AGBL1: variants seen among roughly 807,000 people sequenced by gnomAD.
The protein encoded by AGBL1 is cytosolic carboxypeptidase 4.
A neutral mutation model predicts 118.9 loss-of-function variants in AGBL1; 130 were observed. The observed-to-expected ratio is 1.09, with a 90% CI of 0.95 to 1.26. The LOEUF is 1.26. Among genes scored for constraint, AGBL1 ranks in the 50% most tolerant of loss-of-function variants. The pLI is 0.00. For missense variants in AGBL1, 1,584 were observed against 1,298.1 expected (o/e 1.22, Z -3.38); for synonymous variants, 555 against 478.9 (o/e 1.16, Z -2.08).
intron 19 of AGBL1, among the ~76,000 whole-genome samples, chr15:86,544,636 T>A (rs2083553093): frequency 6.6e-6 from 1 of 152,106 alleles, no homozygotes; most frequent in African/African-American, 2.4e-5. Context: ...CCATCAGGTC[T>A]CATGACACTT....
intron 18 of AGBL1, among the ~76,000 whole-genome samples, chr15:86,446,727 A>G (rs16977251): frequency 0.044 from 6,666 of 152,310 alleles, 198 homozygotes; most frequent in South Asian, 0.098. Context: ...CTGTGTTAGT[A>G]ACTCTGAAAG....
intron 22 of AGBL1, among the ~76,000 whole-genome samples, chr15:86,820,111 C>T (rs1294111551): frequency 6.6e-6 from 1 of 152,126 alleles, no homozygotes. Flanking sequence ...GAAACTGAAC[C>T]CCTTCCTTAC....
intron 24 of AGBL1, among the ~76,000 whole-genome samples, chr15:87,004,695 G>T (rs983622722): frequency 3.3e-5 from 5 of 152,078 alleles, no homozygotes; most frequent in Admixed American, 1.3e-4. Context: ...TACATTTAAG[G>T]TTAATATTGT....
intron 3 of AGBL1, among the ~76,000 whole-genome samples, chr15:86,147,312 C>T (rs1037525345): frequency 5.3e-5 from 8 of 152,302 alleles, no homozygotes; most frequent in South Asian, 2.1e-4. Context: ...GGCAGGGCGT[C>T]GCCTCACCTG....
At chr15:86,138,810 T>G (rs1022177636) in intron 1 of AGBL1, among the ~76,000 whole-genome samples, 12 of 152,224 alleles carry the variant, frequency 7.9e-5, no homozygotes, top group African/African-American at 2.9e-4. Context: ...CCAAAGGCTT[T>G]TATGCCCCTC....
intron 18 of AGBL1, among the ~76,000 whole-genome samples, chr15:86,398,749 G>T (rs1439186730): frequency 6.6e-6 from 1 of 152,036 alleles, no homozygotes; most frequent in African/African-American, 2.4e-5. Flanking sequence ...CAAAAGATAA[G>T]CACCGAAGAT....
intron 18 of AGBL1, among the ~76,000 whole-genome samples, chr15:86,472,583 G>A (rs546635631): frequency 1.3e-5 from 2 of 152,264 alleles, no homozygotes; most frequent in East Asian, 1.9e-4. Context: ...ATTGCAACTG[G>A]AGAACATGCT....
chr15:86,623,570 G>A (rs2084843644), intron 21 of AGBL1, among the ~76,000 whole-genome samples: 1 of 152,182 alleles, frequency 6.6e-6, no homozygotes, highest in Admixed American at 6.5e-5. Context: ...AGCTCTGGAT[G>A]CTTGTTCTTG....
intron 7 of AGBL1, among the ~76,000 whole-genome samples, chr15:86,250,735 G>A (rs1331923849): frequency 1.3e-5 from 2 of 152,104 alleles, no homozygotes; most frequent in Admixed American, 6.5e-5. Context: ...CATAACCAGT[G>A]TTGAGTAGCC....
rs1013280861 is a variant in AGBL1, at chr15:86,141,716, C to T, written c.52-288C>T. Among the ~76,000 whole-genome samples the T allele has an allele frequency of 3.3e-5, 5 of 152,288 alleles. No individual in the cohort carries two copies. The South Asian group carries it at 8.3e-4, about 25-fold the overall frequency. On this transcript the variant is annotated intron_variant, in intron 1 of 22. Transcript: ENST00000614907. ...ACCTGTGCTACTCTGGCCCACAAAG[C>T]CCCTTTTACTTCCTTGTTTTCTGTG...
chr15:86,333,118 AC>A (rs1239584892), intron 17 of AGBL1, among the ~76,000 whole-genome samples: 1 of 152,198 alleles, frequency 6.6e-6, no homozygotes, highest in Non-Finnish European at 1.5e-5. Context: ...ATCTAATGTC[AC>A]ACCTAGAGGA....
chr15:86,140,511 T>C (rs1457159550), intron 1 of AGBL1, among the ~76,000 whole-genome samples: 2 of 152,194 alleles, frequency 1.3e-5, no homozygotes, highest in Non-Finnish European at 2.9e-5. Flanking sequence ...TGGAAAGATA[T>C]ATACACAAAA....
chr15:86,886,800 C>T (rs903777400), intron 22 of AGBL1, among the ~76,000 whole-genome samples: 2 of 152,092 alleles, frequency 1.3e-5, no homozygotes, highest in East Asian at 1.9e-4. Flanking sequence ...AGGCCCCAAC[C>T]GTATTTGAGG....
At chr15:86,381,616 A>G (rs573890543) in intron 17 of AGBL1, among the ~76,000 whole-genome samples, 2 of 152,292 alleles carry the variant, frequency 1.3e-5, no homozygotes, top group South Asian at 4.1e-4. Flanking sequence ...GCCAGACAGC[A>G]TAGGAGAACA....
chr15:87,015,346 T>C (rs910658207), intron 24 of AGBL1, among the ~76,000 whole-genome samples: 2 of 152,132 alleles, frequency 1.3e-5, no homozygotes, highest in Non-Finnish European at 2.9e-5. Context: ...TCCCTTATCT[T>C]TCTGCCTGTC....
intron 18 of AGBL1, among the ~76,000 whole-genome samples, chr15:86,422,948 G>A (rs2081812313): frequency 6.6e-6 from 1 of 152,178 alleles, no homozygotes; most frequent in African/African-American, 2.4e-5. Context: ...GTACTTGATA[G>A]CTTACCAACC....
At chr15:86,481,099 A>G (rs2082645332) in intron 18 of AGBL1, among the ~76,000 whole-genome samples, 1 of 150,782 alleles carries the variant, frequency 6.6e-6, no homozygotes, top group East Asian at 1.9e-4. Flanking sequence ...ATGAAATGCA[A>G]CTTGAACATA....
intron 22 of AGBL1, among the ~76,000 whole-genome samples, chr15:86,780,532 A>G (rs1040168029): frequency 1.3e-5 from 2 of 152,138 alleles, no homozygotes; most frequent in Non-Finnish European, 2.9e-5. Context: ...TATTGGAATC[A>G]CCTTTATTGG....
intron 24 of AGBL1, among the ~76,000 whole-genome samples, chr15:86,998,314 A>G (rs561013085): frequency 6.6e-6 from 1 of 152,322 alleles, no homozygotes; most frequent in South Asian, 2.1e-4. Context: ...TTAGTAAGGC[A>G]AGTTGCCATC....
Sources: gnomAD v4.1 joint callset for allele counts (sites outside exome capture counted in the v4.1 genomes callset) on GRCh38, gnomAD v4.1.1 for gene constraint, MANE v1.5 for transcripts, NCBI Gene and HGNC (gene_info 2026-07-23, HGNC 2026-07-21) for gene names.